Variants in GSG1L observed in about 807,000 individuals in gnomAD.
GSG1L encodes the protein GSG1 like.
GSG1L carries 24 observed loss-of-function variants against 42.1 expected under a neutral mutation model. The observed-to-expected ratio is 0.57, with a 90% CI of 0.41 to 0.80. The LOEUF (loss-of-function observed/expected upper bound fraction) is 0.80. GSG1L is among the 30% of genes least tolerant of loss of function. The pLI is 0.00. For missense variants in GSG1L, 445 were observed against 472.2 expected (o/e 0.94, Z 0.53); for synonymous variants, 215 against 203.5 (o/e 1.06, Z -0.48).
At chr16:27,991,652 G>C (rs527400675) in intron 1 of GSG1L, among the ~76,000 whole-genome samples, 96 of 152,174 alleles carry the variant, frequency 6.3e-4, no homozygotes, top group African/African-American at 2.2e-3. Context: ...TGATCCACCC[G>C]CCTCAGCCTC....
At chr16:27,844,848 T>TTCCCCCCCCC in intron 4 of GSG1L, 102 bp downstream of exon 4, 1 of 135,614 alleles carries the variant, frequency 7.4e-6, no homozygotes, top group Non-Finnish European at 1.6e-5. Context: ...CCATTTCTCC[T>TTCCCCCCCCC]CCCCCCCACC....
At chr16:27,873,911 A>C (rs2083853590) in intron 3 of GSG1L, among the ~76,000 whole-genome samples, 1 of 152,216 alleles carries the variant, frequency 6.6e-6, no homozygotes, top group Non-Finnish European at 1.5e-5. Context: ...GGCCAAGCTA[A>C]GCAGGCCCAG....
chr16:27,946,499 T>G (rs1185805417), intron 2 of GSG1L, among the ~76,000 whole-genome samples: 1 of 148,632 alleles, frequency 6.7e-6, no homozygotes, highest in East Asian at 2.0e-4. Flanking sequence ...GAGCCGAAAC[T>G]GTGCCATTGC....
intron 1 of GSG1L, among the ~76,000 whole-genome samples, chr16:27,980,114 G>T (rs928830467): frequency 6.6e-6 from 1 of 152,144 alleles, no homozygotes; most frequent in African/African-American, 2.4e-5. Context: ...GAACCTGGCA[G>T]GGCCACAGGC....
rs1461470862 is a variant in GSG1L, at chr16:28,047,663, GA to G, written c.349+15412del. 5.9e-5 allele frequency among the ~76,000 whole-genome samples: 9 copies of G among 152,020 alleles called. 1 individual carries two copies. The East Asian group carries it at 1.2e-3, about 20-fold the overall frequency. Reference sequence around the variant, plus strand: ...AGCAGGGATAGCAATATTAAAATATGAAAAAAATAGGATGCAAAGTAAAAAG... The same window carrying G: ...AGCAGGGATAGCAATATTAAAATATGAAAAAATAGGATGCAAAGTAAAAAG... On this transcript the variant is annotated intron_variant, in intron 1 of 6. Transcript: ENST00000447459.
chr16:28,011,626 A>G (rs2085719538), intron 1 of GSG1L, among the ~76,000 whole-genome samples: 1 of 152,134 alleles, frequency 6.6e-6, no homozygotes, highest in African/African-American at 2.4e-5. Context: ...TTGAAGTGAG[A>G]GAGACTGCTC....
chr16:28,051,449 C>A (rs1344826783), intron 1 of GSG1L, among the ~76,000 whole-genome samples: 1 of 150,416 alleles, frequency 6.6e-6, no homozygotes, highest in Non-Finnish European at 1.5e-5. Flanking sequence ...GGTTGCACAT[C>A]ACTGAGGCAT....
intron 2 of GSG1L, among the ~76,000 whole-genome samples, chr16:27,889,148 T>C (rs2141030765): frequency 6.6e-6 from 1 of 152,192 alleles, no homozygotes; most frequent in African/African-American, 2.4e-5. Context: ...CATGCCCAGC[T>C]AATTTTTTTA....
At position 27,973,439 on chromosome 16, in the gene GSG1L, C is replaced by CAAAAAAAAAAAAA. The variant is rs71140935; in HGVS notation, c.350-10249_350-10237dup. Among the ~76,000 whole-genome samples, 21 of 29,856 alleles carry CAAAAAAAAAAAAA rather than the reference C, an allele frequency of 7.0e-4. 1 individual carries two copies. Among genetic ancestry groups the CAAAAAAAAAAAAA allele is most frequent in the Middle Eastern group, 0.056 (2 of 36 alleles). 19.6% of individuals were successfully genotyped at this position (29,856 alleles called of 152,430 possible). ...AGCCTGGGCAATAAAGACCCCATCA[C>CAAAAAAAAAAAAA]AAAAAAAAAAAAAAAAAAAAAAAAA... On this transcript the variant is annotated intron_variant, in intron 1 of 6. Transcript: ENST00000447459.
At chr16:28,057,080 G>C (rs186323164) in intron 1 of GSG1L, among the ~76,000 whole-genome samples, 1 of 152,150 alleles carries the variant, frequency 6.6e-6, no homozygotes, top group Non-Finnish European at 1.5e-5. Flanking sequence ...GAGTGACTGT[G>C]GGGGCAGAGA....
At position 27,828,822 on chromosome 16, in the gene GSG1L, A is replaced by G. The variant is rs1223366897; in HGVS notation, c.797T>C (p.Ile266Thr). The G allele has an allele frequency of 3.1e-6, 5 of 1,614,134 alleles. No individual in the cohort carries two copies. The highest frequency in any genetic ancestry group is 4.2e-6 in the Non-Finnish European group (5 of 1,180,012). ...EQGYREEPTF[I>T]DPEAIKYFRE... ...GAAGTACTTGATGGCCTCAGGGTCTATGAAGGTCGGCTCTTCCCGGTAGCC... is the reference window on the plus strand; with the variant it reads ...GAAGTACTTGATGGCCTCAGGGTCTGTGAAGGTCGGCTCTTCCCGGTAGCC... Residue 266 changes from isoleucine (I) to threonine (T), a missense_variant, in exon 5 of 7, where the codon ATA (isoleucine) becomes ACA (threonine). Coordinates refer to ENST00000447459, the MANE Select transcript of GSG1L (RefSeq NM_001109763.2).
chr16:27,994,658 T>A (rs2085494397), intron 1 of GSG1L, among the ~76,000 whole-genome samples: 1 of 152,180 alleles, frequency 6.6e-6, no homozygotes, highest in African/African-American at 2.4e-5. Context: ...CCTTTTACAT[T>A]CATTTTTGTA....
At chr16:27,891,445 C>CTT (rs11464819) in intron 2 of GSG1L, among the ~76,000 whole-genome samples, 163 of 151,866 alleles carry the variant, frequency 1.1e-3, no homozygotes, top group African/African-American at 3.8e-3. Flanking sequence ...TACTGTGTAA[C>CTT]TTTTTTTTAT....
chr16:27,803,796 G>GT (rs2082916313), intron 6 of GSG1L, among the ~76,000 whole-genome samples: 1 of 73,828 alleles, frequency 1.4e-5, no homozygotes, highest in Non-Finnish European at 2.9e-5. Flanking sequence ...TATATATATA[G>GT]ATAGATAGAT....
intron 1 of GSG1L, among the ~76,000 whole-genome samples, chr16:28,057,343 T>C (rs1034457101): frequency 6.6e-6 from 1 of 151,976 alleles, no homozygotes; most frequent in Non-Finnish European, 1.5e-5. Context: ...GTTGGACCAA[T>C]GGACTAGGCA....
intron 4 of GSG1L, among the ~76,000 whole-genome samples, chr16:27,834,880 C>A (rs1293995734): frequency 7.9e-5 from 12 of 152,186 alleles, no homozygotes; most frequent in Admixed American, 6.5e-5. Context: ...TTTTTTGTTT[C>A]ATTGATTCTA....
At chr16:27,921,823 C>T (rs1040270083) in intron 2 of GSG1L, among the ~76,000 whole-genome samples, 2 of 152,162 alleles carry the variant, frequency 1.3e-5, no homozygotes, top group African/African-American at 2.4e-5. Flanking sequence ...CTGCCTTGAT[C>T]GTACCTGTGA....
chr16:27,914,439 C>T (rs2084427155), intron 2 of GSG1L, among the ~76,000 whole-genome samples: 1 of 152,112 alleles, frequency 6.6e-6, no homozygotes, highest in Non-Finnish European at 1.5e-5. Flanking sequence ...CTCTCCGAGC[C>T]TCAGTTTCCT....
intron 2 of GSG1L, among the ~76,000 whole-genome samples, chr16:27,889,740 C>T (rs1238281154): frequency 2.0e-5 from 3 of 152,186 alleles, no homozygotes; most frequent in African/African-American, 7.2e-5. Flanking sequence ...TTTCTGTTCT[C>T]CCTTCCCTGT....
Sources: allele counts gnomAD v4.1 joint callset (sites outside exome capture counted in the v4.1 genomes callset), GRCh38; gene constraint gnomAD v4.1.1; transcripts MANE v1.5; gene names NCBI Gene and HGNC (gene_info 2026-07-23, HGNC 2026-07-21).